The following PHF20 variants were observed in gnomAD, a reference collection of about 807,000 sequenced individuals.
PHF20 encodes the protein glioma-expressed antigen 2.
PHF20 carries 23 observed loss-of-function variants against 113.5 expected under a neutral mutation model. That is an observed-to-expected ratio of 0.20 (90% CI 0.15 to 0.29). The LOEUF (loss-of-function observed/expected upper bound fraction) is 0.29, where lower values mean the gene tolerates loss of function less well. PHF20 is among the 10% of genes least tolerant of loss of function. The pLI, the probability that PHF20 is intolerant of heterozygous loss-of-function variation, is 1.00. For missense variants in PHF20, 943 were observed against 1,219.6 expected, an observed-to-expected ratio of 0.77 and a Z score of 3.38; for synonymous variants, 434 against 457.3, an observed-to-expected ratio of 0.95 and a Z score of 0.65.
intron 5 of PHF20, 111 bp from the exon 6 acceptor site, chr20:35,862,902 C>T (rs969775197): frequency 9.7e-6 from 10 of 1,030,080 alleles, no homozygotes; most frequent in South Asian, 6.6e-5. Context: ...TGTGATCTGG[C>T]GTATGTCTTG....
chr20:35,915,447 C>T (rs543346683), intron 12 of PHF20, among the ~76,000 whole-genome samples: 73 of 151,894 alleles, frequency 4.8e-4, no homozygotes, highest in African/African-American at 1.5e-3. Context: ...AGTGCAGTGG[C>T]GCGATCTTGG....
chr20:35,914,103 C>G lies in PHF20; in HGVS notation c.1731C>G (p.Thr577=), dbSNP rs1322840478. The change falls in exon 12 of 18, where the codon ACC becomes ACG. Residue 577 remains threonine, a synonymous_variant. Coordinates refer to ENST00000374012, the MANE Select transcript of PHF20 (RefSeq NM_016436.5). ...EPSPPKAFAV[T]RCGSSHKPGV... The stretch of plus-strand genomic sequence containing the variant: ...CTCCACCCAAGGCATTTGCTGTTAC[C>G]AGGTGTGGGTCCTCACACAAGCCAG... The G allele has an allele frequency of 6.2e-7, 1 of 1,614,042 alleles. No individual in the cohort carries two copies. Among genetic ancestry groups the G allele is most frequent in the Non-Finnish European group, 8.5e-7 (1 of 1,180,022 alleles).
chr20:35,773,333 C>T (rs1240660894), intron 1 of PHF20, among the ~76,000 whole-genome samples: 1 of 152,160 alleles, frequency 6.6e-6, no homozygotes, highest in Non-Finnish European at 1.5e-5. Flanking sequence ...CATTTTCATT[C>T]CTCAGTTTCC....
At chr20:35,904,034 C>T (rs1719043665) in intron 10 of PHF20, among the ~76,000 whole-genome samples, 1 of 147,170 alleles carries the variant, frequency 6.8e-6, no homozygotes, top group African/African-American at 2.6e-5. Context: ...TGTGGTTTCA[C>T]CTCAGGCTTC....
Position 35,946,651 on chromosome 20 carries a change from T to TTTTTA in PHF20, c.2897-805_2897-801dup, listed in dbSNP as rs1157595006. Among the ~76,000 whole-genome samples, 707 of 149,298 alleles carry TTTTTA rather than the reference T, an allele frequency of 4.7e-3. 4 individuals are homozygous for TTTTTA. The highest frequency in any genetic ancestry group is 0.01 in the Middle Eastern group (3 of 290). On this transcript the variant is annotated intron_variant, in intron 17 of 17. Coordinates refer to ENST00000374012, the MANE Select transcript of PHF20 (RefSeq NM_016436.5). ...TTTTCAACATGGGAAAGCTTTTTATTTTTTATTTTATTTTATTTTATTTTA... is the reference window on the plus strand; with the variant it reads ...TTTTCAACATGGGAAAGCTTTTTATTTTTTATTTTATTTTATTTTATTTTATTTTA...
intron 6 of PHF20, among the ~76,000 whole-genome samples, chr20:35,864,356 A>T (rs1407808864): frequency 2.0e-5 from 3 of 151,302 alleles, no homozygotes; most frequent in Non-Finnish European, 2.9e-5. Context: ...GGATTGCTTG[A>T]GCCCAAGAAT....
At chr20:35,795,873 G>A (rs2041656578) in intron 1 of PHF20, among the ~76,000 whole-genome samples, 3 of 151,294 alleles carry the variant, frequency 2.0e-5, no homozygotes, top group African/African-American at 7.3e-5. Flanking sequence ...TTTTTTTTGA[G>A]ACAGTCTCAC....
chr20:35,938,578 G>T lies in PHF20; in HGVS notation c.2301-119G>T, dbSNP rs959188555. ...TCGCTCTTGTTTAGCAAATGGTAGT[G>T]TGTGGTCAGATGGCCCAGGTGGAGC... On this transcript the variant is annotated intron_variant, in intron 15 of 17. Coordinates refer to ENST00000374012, the MANE Select transcript of PHF20 (RefSeq NM_016436.5). 153 of 933,860 alleles carry T rather than the reference G, an allele frequency of 1.6e-4. 1 individual carries two copies. In the South Asian group the frequency reaches 2.4e-3, roughly 15 times the overall value. 57.8% of individuals were successfully genotyped at this position (933,860 alleles called of 1,614,324 possible).
intron 9 of PHF20, among the ~76,000 whole-genome samples, chr20:35,886,252 C>G (rs2054729525): frequency 6.6e-6 from 1 of 151,684 alleles, no homozygotes; most frequent in Non-Finnish European, 1.5e-5. Context: ...GATTCTCCTG[C>G]CTCAGCCTCC....
chr20:35,925,260 CTTTT>C (rs763188818), intron 13 of PHF20, among the ~76,000 whole-genome samples: 1 of 134,896 alleles, frequency 7.4e-6, no homozygotes, highest in Non-Finnish European at 1.6e-5. Context: ...TTTATTGAGA[CTTTT>C]TTTTTTTTTT....
intron 13 of PHF20, among the ~76,000 whole-genome samples, chr20:35,923,506 T>G (rs2055561097): frequency 6.6e-6 from 1 of 152,178 alleles, no homozygotes; most frequent in Non-Finnish European, 1.5e-5. Context: ...TTTTGGTTAT[T>G]TTAAAATTCA....
rs576867417 is a variant in PHF20, at chr20:35,912,489, TTA to T, written c.1562-758_1562-757del. On this transcript the variant is annotated intron_variant, in intron 10 of 17. Coordinates refer to ENST00000374012, the MANE Select transcript of PHF20 (RefSeq NM_016436.5). The stretch of plus-strand genomic sequence containing the variant: ...ATGAACTGTTCATTTAAAAATAATT[TTA>T]TGTTATATGAATGGTACCTCAATTT... 3.9e-4 allele frequency among the ~76,000 whole-genome samples: 59 copies of T among 152,206 alleles called. 1 individual carries two copies. The South Asian group carries it at 0.012, about 32-fold the overall frequency.
intron 13 of PHF20, among the ~76,000 whole-genome samples, chr20:35,923,327 A>C (rs985437798): frequency 6.6e-6 from 1 of 151,980 alleles, no homozygotes. Flanking sequence ...ATGGCCTAGC[A>C]CTGTGGCTCA....
Position 35,891,507 on chromosome 20 carries a change from G to C in PHF20, c.1283-7863G>C, listed in dbSNP as rs189684198. Among the ~76,000 whole-genome samples the C allele has an allele frequency of 2.8e-3, 426 of 152,236 alleles. 1 individual carries two copies. The highest frequency in any genetic ancestry group is 9.6e-3 in the African/African-American group (399 of 41,554). On this transcript the variant is annotated intron_variant, in intron 9 of 17. Coordinates refer to ENST00000374012, the MANE Select transcript of PHF20 (RefSeq NM_016436.5). ...CATAAAATACTTACAGGAATTCTTC[G>C]AGGCAGGACAGAATCTTTTCTGCTG...
At chr20:35,885,059 C>G (rs2054702112) in intron 9 of PHF20, among the ~76,000 whole-genome samples, 1 of 152,174 alleles carries the variant, frequency 6.6e-6, no homozygotes, top group Non-Finnish European at 1.5e-5. Flanking sequence ...GTCTCGAACT[C>G]CTGACCTCAA....
intron 1 of PHF20, among the ~76,000 whole-genome samples, chr20:35,778,893 A>G (rs1418503772): frequency 6.6e-6 from 1 of 152,136 alleles, no homozygotes; most frequent in Admixed American, 6.6e-5. Context: ...ATCCTGTACA[A>G]TTTTAGAAGC....
chr20:35,921,458 G>A (rs1397539654), intron 13 of PHF20, among the ~76,000 whole-genome samples: 1 of 151,930 alleles, frequency 6.6e-6, no homozygotes, highest in Non-Finnish European at 1.5e-5. Flanking sequence ...AGAGGCGGGA[G>A]GATTGCTTGA....
chr20:35,854,031 G>A (rs976282802), intron 4 of PHF20, among the ~76,000 whole-genome samples: 1 of 152,132 alleles, frequency 6.6e-6, no homozygotes, highest in Non-Finnish European at 1.5e-5. Context: ...TGGGATTACA[G>A]GCGTGAGCCA....
At chr20:35,862,649 G>T (rs1038891196) in intron 5 of PHF20, among the ~76,000 whole-genome samples, 1 of 152,078 alleles carries the variant, frequency 6.6e-6, no homozygotes, top group Non-Finnish European at 1.5e-5. Context: ...TGGGAGGATC[G>T]CTTGGGCCTG....
Sources: allele counts gnomAD v4.1 joint callset (sites outside exome capture counted in the v4.1 genomes callset), GRCh38; gene constraint gnomAD v4.1.1; transcripts MANE v1.5; gene names NCBI Gene and HGNC (gene_info 2026-07-23, HGNC 2026-07-21).